Variants in SAMD12 observed in about 807,000 individuals in gnomAD.
The protein encoded by SAMD12 is sterile alpha motif domain-containing protein 12.
A neutral mutation model predicts 15.0 loss-of-function variants in SAMD12; 9 were observed. That is an observed-to-expected ratio of 0.60 (90% CI 0.36 to 1.05). The LOEUF is 1.05. SAMD12 is among the 50% of genes least tolerant of loss of function. The pLI is 0.01. For synonymous variants in SAMD12, 86 were observed against 90.1 expected, an observed-to-expected ratio of 0.96 and a Z score of 0.25; for missense variants, 230 against 234.2, an observed-to-expected ratio of 0.98 and a Z score of 0.12.
exon 5 of SAMD12, chr8:118,192,502 A>T (rs1263179946): frequency 1.3e-5 from 2 of 152,208 alleles, no homozygotes; most frequent in Admixed American, 1.3e-4. Flanking sequence ...GGTTCACATC[A>T]GTAGGGCTGT....
intron 1 of SAMD12, chr8:118,621,418 C>T: frequency 3.5e-6 from 1 of 288,104 alleles, no homozygotes; most frequent in Non-Finnish European, 6.6e-6. Flanking sequence ...GGGGGGCCAA[C>T]CAAGCATCCC....
intron 2 of SAMD12, among the ~76,000 whole-genome samples, chr8:118,520,045 C>T (rs144717223): frequency 7.2e-5 from 11 of 152,238 alleles, no homozygotes; most frequent in African/African-American, 1.9e-4. Flanking sequence ...TGGTCCCACA[C>T]TAGACAATGC....
At chr8:118,144,228 T>C in the SAMD12 span, among the ~76,000 whole-genome samples, 1 of 152,222 alleles carries the variant, frequency 6.6e-6, no homozygotes, top group South Asian at 2.1e-4. Flanking sequence ...CATCTCAAGA[T>C]CTTTAATTAC....
intron 4 of SAMD12, among the ~76,000 whole-genome samples, chr8:118,309,816 T>A (rs1815545521): frequency 6.6e-6 from 1 of 152,226 alleles, no homozygotes; most frequent in Non-Finnish European, 1.5e-5. Context: ...ATATTTTCTG[T>A]CTTGTGTTGC....
At chr8:118,269,214 CTCTCTCTGTG>C (rs1372626320) in intron 4 of SAMD12, among the ~76,000 whole-genome samples, 35 of 118,052 alleles carry the variant, frequency 3.0e-4, no homozygotes, top group African/African-American at 1.0e-3. Flanking sequence ...CTCTCTCTCT[CTCTCTCTGTG>C]TGTGTGTGTG....
At chr8:118,619,419 C>T (rs1828331524) in intron 1 of SAMD12, among the ~76,000 whole-genome samples, 1 of 144,802 alleles carries the variant, frequency 6.9e-6, no homozygotes, top group Non-Finnish European at 1.5e-5. Context: ...GCGGAGCTTG[C>T]AGTGAGCTGA....
intron 2 of SAMD12, among the ~76,000 whole-genome samples, chr8:118,574,500 A>G (rs1418065164): frequency 1.3e-5 from 2 of 152,172 alleles, no homozygotes; most frequent in Non-Finnish European, 2.9e-5. Flanking sequence ...TCATCTCCCT[A>G]ACTTGTAAAA....
chr8:118,575,849 A>G (rs951915441), intron 2 of SAMD12, among the ~76,000 whole-genome samples: 1 of 152,244 alleles, frequency 6.6e-6, no homozygotes, highest in African/African-American at 2.4e-5. Context: ...GTGAGGACAC[A>G]TTCTAGAATT....
intron 4 of SAMD12, among the ~76,000 whole-genome samples, chr8:118,277,533 T>C (rs1180524013): frequency 1.3e-5 from 2 of 150,658 alleles, no homozygotes; most frequent in Non-Finnish European, 2.9e-5. Flanking sequence ...TATGCAGGCC[T>C]GGGACAAAGA....
rs565736656 is a variant in SAMD12, at chr8:118,275,770, C to T, written c.434-78038G>A. ...GTAGCCATTTCTATGTTCATGAGTACCCAGCATTTAGCTCCCACTTGGAAG... is the reference window on the plus strand; with the variant it reads ...GTAGCCATTTCTATGTTCATGAGTATCCAGCATTTAGCTCCCACTTGGAAG... On this transcript the variant is annotated intron_variant, in intron 4 of 4. Transcript: ENST00000409003. Among the ~76,000 whole-genome samples the T allele has an allele frequency of 5.6e-4, 85 of 152,228 alleles. 1 individual carries two copies. The highest frequency in any genetic ancestry group is 2.0e-3 in the African/African-American group (84 of 41,520).
At chr8:118,181,927 G>T in the SAMD12 span, among the ~76,000 whole-genome samples, 1 of 152,204 alleles carries the variant, frequency 6.6e-6, no homozygotes, top group Non-Finnish European at 1.5e-5. Flanking sequence ...CATGAGCACA[G>T]TATTTTGCTT....
At chr8:118,391,970 G>C (rs1252794953) in intron 3 of SAMD12, among the ~76,000 whole-genome samples, 1 of 152,058 alleles carries the variant, frequency 6.6e-6, no homozygotes, top group Non-Finnish European at 1.5e-5. Context: ...CTTGGGTTTG[G>C]AGTTGAAAGC....
At chr8:118,420,157 A>T (rs981233518) in intron 3 of SAMD12, among the ~76,000 whole-genome samples, 2 of 152,300 alleles carry the variant, frequency 1.3e-5, no homozygotes, top group African/African-American at 4.8e-5. Context: ...ATCATGGGAA[A>T]AGTGAAGAAA....
At chr8:118,614,202 T>C (rs1433250291) in intron 1 of SAMD12, among the ~76,000 whole-genome samples, 1 of 152,206 alleles carries the variant, frequency 6.6e-6, no homozygotes, top group African/African-American at 2.4e-5. Flanking sequence ...ATCATCACTA[T>C]CATCTTGTCT....
intron 4 of SAMD12, among the ~76,000 whole-genome samples, chr8:118,335,317 C>T (rs1250643175): frequency 6.6e-6 from 1 of 152,168 alleles, no homozygotes; most frequent in East Asian, 1.9e-4. Flanking sequence ...GCTTGTAACT[C>T]GCAGCTTTCC....
the SAMD12 span, among the ~76,000 whole-genome samples, chr8:118,164,651 C>G: frequency 6.6e-6 from 1 of 151,608 alleles, no homozygotes; most frequent in African/African-American, 2.4e-5. Context: ...GGAGACTGAC[C>G]AGGGCTCATG....
rs960974515 is a variant in SAMD12, at chr8:118,314,771, C to T, written c.433+64789G>A. On this transcript the variant is annotated intron_variant, in intron 4 of 4. Coordinates refer to the SAMD12 transcript ENST00000409003. ...AATGATATGCCATGGTGTGGATGTA[C>T]CACTGTACATCCTTACACCCACTGA... 3.9e-5 allele frequency among the ~76,000 whole-genome samples: 6 copies of T among 152,174 alleles called. 1 individual carries two copies. Among genetic ancestry groups the T allele is most frequent in the African/African-American group, 1.4e-4 (6 of 41,492 alleles).
intron 2 of SAMD12, among the ~76,000 whole-genome samples, chr8:118,475,615 T>C (rs2130976338): frequency 6.6e-6 from 1 of 152,348 alleles, no homozygotes; most frequent in South Asian, 2.1e-4. Context: ...CCAAGCAGTC[T>C]AGCTCCAGAG....
At chr8:118,611,005 G>A (rs1474116982) in intron 1 of SAMD12, among the ~76,000 whole-genome samples, 1 of 152,162 alleles carries the variant, frequency 6.6e-6, no homozygotes, top group African/African-American at 2.4e-5. Flanking sequence ...TTACCCTAGG[G>A]TGGGAAGTAG....
Sources: allele counts gnomAD v4.1 joint callset (sites outside exome capture counted in the v4.1 genomes callset), GRCh38; gene constraint gnomAD v4.1.1; transcripts MANE v1.5; gene names NCBI Gene and HGNC (gene_info 2026-07-23, HGNC 2026-07-21).